Variants in RASGRP1 observed in about 807,000 individuals in gnomAD.
RASGRP1 encodes the protein RAS guanyl-releasing protein 1.
A neutral mutation model predicts 95.1 loss-of-function variants in RASGRP1; 37 were observed. That is an observed-to-expected ratio of 0.39 (90% confidence interval 0.30 to 0.51). The LOEUF is 0.51. Ranked by LOEUF, RASGRP1 falls within the 20% of genes least tolerant of loss-of-function variation. The pLI, the probability that RASGRP1 is intolerant of heterozygous loss-of-function variation, is 0.80. For missense variants in RASGRP1, 711 were observed against 965.4 expected (o/e 0.74, Z 3.49); for synonymous variants, 325 against 353.4 (o/e 0.92, Z 0.90).
chr15:38,502,187 G>A lies in RASGRP1; in HGVS notation c.1538+125C>T, dbSNP rs1595826929. On this transcript the variant is annotated intron_variant, in intron 12 of 16. Coordinates refer to ENST00000310803, the MANE Select transcript of RASGRP1 (RefSeq NM_005739.4). ...ATTTTTAAAAGAATGCATATTTCAT[G>A]GTCTGTTCTTTAAGTGATCACAGCA... is the stretch of plus-strand genomic sequence containing the variant. The A allele has an allele frequency of 7.5e-6, 5 of 663,148 alleles. No individual in the cohort carries two copies. The East Asian group carries it at 1.1e-4, about 15-fold the overall frequency. 41.1% of individuals were successfully genotyped at this position (663,148 alleles called of 1,614,324 possible).
At chr15:38,521,545 C>T (rs1239069547) in intron 3 of RASGRP1, among the ~76,000 whole-genome samples, 1 of 152,150 alleles carries the variant, frequency 6.6e-6, no homozygotes, top group East Asian at 1.9e-4. Context: ...AAGGCTGCCC[C>T]CCACAGGGAG....
At chr15:38,564,396 C>T (rs1266889015) in intron 1 of RASGRP1, among the ~76,000 whole-genome samples, 198 bp downstream of exon 1, 1 of 152,148 alleles carries the variant, frequency 6.6e-6, no homozygotes, top group Non-Finnish European at 1.5e-5. Flanking sequence ...TCAGCCCCAG[C>T]TCCCTCCCCG....
intron 10 of RASGRP1, chr15:38,504,262 T>C (rs1777764866): frequency 6.6e-6 from 1 of 152,124 alleles, no homozygotes; most frequent in African/African-American, 2.4e-5. Flanking sequence ...ACTAAGTTTC[T>C]TAAATTTTTT....
At chr15:38,510,180 G>A (rs966419735) in intron 8 of RASGRP1, among the ~76,000 whole-genome samples, 4 of 152,210 alleles carry the variant, frequency 2.6e-5, no homozygotes, top group South Asian at 2.1e-4. Flanking sequence ...AGTAGCTACC[G>A]ACAGGAAGCA....
chr15:38,539,614 A>G (rs927773988), intron 2 of RASGRP1, among the ~76,000 whole-genome samples: 4 of 151,428 alleles, frequency 2.6e-5, no homozygotes, highest in Non-Finnish European at 5.9e-5. Flanking sequence ...GTACATGTGC[A>G]CAATGTGCAG....
chr15:38,552,196 T>C (rs1893368184), intron 2 of RASGRP1, among the ~76,000 whole-genome samples: 1 of 152,230 alleles, frequency 6.6e-6, no homozygotes, highest in Admixed American at 6.5e-5. Context: ...CACTGATACA[T>C]GATTTCCTTA....
intron 3 of RASGRP1, among the ~76,000 whole-genome samples, chr15:38,523,691 C>G (rs1165253207): frequency 6.6e-6 from 1 of 152,140 alleles, no homozygotes; most frequent in African/African-American, 2.4e-5. Flanking sequence ...AAGTGCCCCC[C>G]TATACATATC....
chr15:38,512,851 T>G lies in RASGRP1; in HGVS notation c.781A>C (p.Met261Leu). Residue 261 changes from methionine to leucine, a missense_variant, in exon 7 of 17, where the codon ATG becomes CTG. Coordinates refer to ENST00000310803, the MANE Select transcript of RASGRP1 (RefSeq NM_005739.4). ...CNGISQWVQL[M>L]VLSRPTPQLR... ...TGCGGCGTGGGGCGGCTGAGAACCA[T>G]CAGTTGTACCCACTGGGAGATGCCG... 6.2e-7 allele frequency: 1 copy of G among 1,613,620 alleles called. No homozygotes were observed. The highest frequency in any genetic ancestry group is 8.5e-7 in the Non-Finnish European group (1 of 1,179,734).
chr15:38,555,706 G>T (rs1893529454), intron 2 of RASGRP1, among the ~76,000 whole-genome samples: 1 of 152,100 alleles, frequency 6.6e-6, no homozygotes, highest in Non-Finnish European at 1.5e-5. Flanking sequence ...CAGTATAAAA[G>T]AAAATCAATA....
intron 2 of RASGRP1, among the ~76,000 whole-genome samples, chr15:38,552,494 G>A (rs2141186824): frequency 6.6e-6 from 1 of 152,246 alleles, no homozygotes; most frequent in Admixed American, 6.5e-5. Context: ...TTTCCACGGT[G>A]TAAATACTCC....
intron 1 of RASGRP1, chr15:38,560,413 G>A: frequency 4.0e-6 from 1 of 252,368 alleles, no homozygotes; most frequent in Non-Finnish European, 7.8e-6. Flanking sequence ...AGGGCATGGT[G>A]GCTCACGTCT....
At chr15:38,524,213 C>T (rs747795035) in intron 3 of RASGRP1, 1 of 151,784 alleles carries the variant, frequency 6.6e-6, no homozygotes, top group Admixed American at 6.6e-5. Context: ...TAGTGAGACC[C>T]CTCTCCCCGC....
chr15:38,563,310 T>C (rs773214949), intron 1 of RASGRP1, among the ~76,000 whole-genome samples: 13 of 152,164 alleles, frequency 8.5e-5, no homozygotes, highest in Non-Finnish European at 1.9e-4. Context: ...AGTAGCCAAA[T>C]GTTTTCCTGT....
intron 3 of RASGRP1, among the ~76,000 whole-genome samples, chr15:38,522,228 CAAAAATAT>C (rs1892030018): frequency 6.6e-6 from 1 of 152,150 alleles, no homozygotes; most frequent in Non-Finnish European, 1.5e-5. Flanking sequence ...TTTTAAAATA[CAAAAATAT>C]ATCTTTCTTA....
Position 38,503,427 on chromosome 15 carries a change from A to T in RASGRP1, c.1324-51T>A, listed in dbSNP as rs373803190. 172 of 1,320,504 alleles carry T rather than the reference A, an allele frequency of 1.3e-4. 1 individual carries two copies. The African/African-American group carries it at 2.2e-3, about 17-fold the overall frequency. 81.8% of individuals were successfully genotyped at this position (1,320,504 alleles called of 1,614,324 possible). A position where few individuals can be genotyped will look rare whatever the true frequency, so the allele number is the denominator to read the frequency against. ...CTCATGACTACAATGCAATATTATA[A>T]CCTATAGCTCTTTCTTTTCCCACTA... On this transcript the variant is annotated intron_variant, in intron 10 of 16. Transcript: ENST00000310803.
chr15:38,550,242 CAAAAAAA>C (rs56383365), intron 2 of RASGRP1, among the ~76,000 whole-genome samples: 1 of 89,048 alleles, frequency 1.1e-5, no homozygotes, highest in Non-Finnish European at 2.5e-5. Context: ...ACTCTGTCGC[CAAAAAAA>C]AAAAAAAAAA....
intron 2 of RASGRP1, among the ~76,000 whole-genome samples, 183 bp downstream of exon 2, chr15:38,559,638 C>T (rs1265255004): frequency 1.3e-5 from 2 of 152,202 alleles, no homozygotes; most frequent in Non-Finnish European, 2.9e-5. Flanking sequence ...CTTCTCATCA[C>T]GACCTATTAC....
intron 1 of RASGRP1, chr15:38,560,288 G>C (rs996491568): frequency 4.4e-6 from 2 of 453,052 alleles, no homozygotes; most frequent in African/African-American, 2.0e-5. Flanking sequence ...AATGGCAGAG[G>C]CAAGACTATC....
At chr15:38,518,518 C>T (rs55817291) in intron 4 of RASGRP1, 95 bp from the exon 5 acceptor site, 19,276 of 1,340,908 alleles carry the variant, frequency 0.014, 185 homozygotes, top group Non-Finnish European at 0.018. Context: ...ACAAAGAGAA[C>T]TCAGAAAAAG....
Sources: gnomAD v4.1 joint callset for allele counts (sites outside exome capture counted in the v4.1 genomes callset) on GRCh38, gnomAD v4.1.1 for gene constraint, MANE v1.5 for transcripts, NCBI Gene and HGNC (gene_info 2026-07-23, HGNC 2026-07-21) for gene names.